The following CAMSAP3 variants were observed in gnomAD, a reference collection of about 807,000 sequenced individuals.
The protein encoded by CAMSAP3 is calmodulin regulated spectrin associated protein family member 3.
In CAMSAP3, 34 loss-of-function variants were observed where a neutral mutation model predicts 112.5. That is an observed-to-expected ratio of 0.30 (90% CI 0.23 to 0.40). The LOEUF is 0.40. CAMSAP3 is among the 10% of genes least tolerant of loss of function. CAMSAP3 has a pLI of 1.00. For synonymous variants in CAMSAP3, 868 were observed against 799.8 expected (o/e 1.09, Z -1.44); for missense variants, 1,602 against 1,770.3 (o/e 0.90, Z 1.71).
chr19:7,608,430 A>G (rs1303096357), intron 5 of CAMSAP3, among the ~76,000 whole-genome samples, 166 bp downstream of exon 5: 2 of 152,002 alleles, frequency 1.3e-5, no homozygotes, highest in African/African-American at 2.4e-5. Context: ...CTCTTCCCCA[A>G]TGAGCTTTGT....
Position 7,607,812 on chromosome 19 carries a change from T to A in CAMSAP3, c.622-314T>A. ...TCCCCCTTGCTGATGGCTGCTCCTC[T>A]CCCCCCAGCACGCAATTGCCTTCTG... On this transcript the variant is annotated intron_variant, in intron 4 of 16. Transcript: ENST00000160298. The surrounding 1 kb of genome is among the most constrained non-coding windows in gnomAD (Gnocchi z 4.9). 7.8e-7 allele frequency: 1 copy of A among 1,285,090 alleles called. No homozygotes were observed. Among genetic ancestry groups the A allele is most frequent in the Non-Finnish European group, 1.1e-6 (1 of 947,770 alleles). 79.6% of individuals were successfully genotyped at this position (1,285,090 alleles called of 1,614,324 possible).
intron 11 of CAMSAP3, among the ~76,000 whole-genome samples, chr19:7,613,984 G>A (rs571632358): frequency 5.9e-5 from 9 of 152,208 alleles, no homozygotes; most frequent in East Asian, 1.9e-4. Flanking sequence ...CAGGGTGGCC[G>A]GGCGCAGTGG....
In CAMSAP3 at chr19:7,612,469, G is replaced by C; in HGVS notation, c.1976G>C (p.Gly659Ala). ...AEAEAEEADS[G>A]PVPGGERPAG... Reference sequence around the variant, plus strand: ...GCAGAGGCGGAGGAGGCCGATTCCGGTCCAGTCCCTGGTGGGGAGCGGCCC... The same window carrying C: ...GCAGAGGCGGAGGAGGCCGATTCCGCTCCAGTCCCTGGTGGGGAGCGGCCC... The change falls in exon 11 of 17, where the codon GGT (glycine) becomes GCT (alanine). Residue 659 changes from glycine (G) to alanine (A), a missense_variant. Around this residue, in one of 6 missense-constraint regions of CAMSAP3, gnomAD observed 1,100 missense variants for 1,135.7 expected, o/e 0.97. Coordinates refer to ENST00000160298, the MANE Select transcript of CAMSAP3 (RefSeq NM_020902.2). 6.4e-7 allele frequency: 1 copy of C among 1,570,598 alleles called. No individual in the cohort carries two copies. The highest frequency in any genetic ancestry group is 8.6e-7 in the Non-Finnish European group (1 of 1,160,638).
intron 1 of CAMSAP3, among the ~76,000 whole-genome samples, chr19:7,602,048 A>C (rs1363517339): frequency 1.3e-5 from 2 of 151,310 alleles, no homozygotes; most frequent in Non-Finnish European, 2.9e-5. Flanking sequence ...TGGGTGACAG[A>C]GCAAGATTGT....
rs771643234 is a variant in CAMSAP3 at position 7,611,592 on chromosome 19, T to A, written c.1193+6T>A. The A allele has an allele frequency of 4.2e-5, 68 of 1,611,224 alleles. No individual in the cohort carries two copies. The highest frequency in any genetic ancestry group is 5.8e-5 in the Non-Finnish European group (68 of 1,179,232). The stretch of plus-strand genomic sequence containing the variant: ...GCCTGGAACCGGCAGCTCAGGTGAG[T>A]AGACCTCACAGGCCAGGGTAGGGGG... On this transcript the variant is annotated splice_donor_region_variant and intron_variant, in intron 10 of 16. Coordinates refer to ENST00000160298, the MANE Select transcript of CAMSAP3 (RefSeq NM_020902.2). This position sits in a 1 kb window ranked among gnomAD's most constrained non-coding sequence, Gnocchi z 6.9.
In CAMSAP3 at chr19:7,610,718, C is replaced by G; in HGVS notation, c.919C>G (p.Leu307Val). 6.2e-7 allele frequency: 1 copy of G among 1,614,040 alleles called. No individual in the cohort carries two copies. The highest frequency in any genetic ancestry group is 8.5e-7 in the Non-Finnish European group (1 of 1,180,010). Reference protein sequence around the residue: ...PPLKVNLVVMLAELFMCFEVL... With the variant: ...PPLKVNLVVMVAELFMCFEVL... ...CCTCCAGGTCAACTTGGTGGTGATGCTGGCCGAGTTGTTCATGTGTTTTGA... is the reference window on the plus strand; with the variant it reads ...CCTCCAGGTCAACTTGGTGGTGATGGTGGCCGAGTTGTTCATGTGTTTTGA... Residue 307 changes from leucine (L) to valine (V), a missense_variant, in exon 7 of 17, where the codon CTG becomes GTG. By Grantham distance (32) the Leu-to-Val change is conservative. Transcript: ENST00000160298. This position sits in a 1 kb window ranked among gnomAD's most constrained non-coding sequence, Gnocchi z 4.9.
At chr19:7,616,287 G>A (rs1210481419) in intron 13 of CAMSAP3, 1 of 488,698 alleles carries the variant, frequency 2.0e-6, no homozygotes, top group Non-Finnish European at 3.7e-6. Flanking sequence ...GGAACCTTTG[G>A]GAGTATGTTT....
intron 1 of CAMSAP3, among the ~76,000 whole-genome samples, chr19:7,604,130 T>C (rs886124823): frequency 2.0e-5 from 3 of 152,056 alleles, no homozygotes; most frequent in Non-Finnish European, 4.4e-5. Context: ...GAGACTCTTA[T>C]CTCCAAAAAA....
chr19:7,608,319 C>A, intron 5 of CAMSAP3, 55 bp downstream of exon 5: 3 of 1,577,410 alleles, frequency 1.9e-6, no homozygotes, highest in Non-Finnish European at 2.6e-6. Flanking sequence ...CATCCTAAGT[C>A]CCAGCCCCTA....
At position 7,605,226 on chromosome 19, in the gene CAMSAP3, A is replaced by G. The variant is rs781313939; in HGVS notation, c.149A>G (p.Glu50Gly). 10 of 1,511,938 alleles carry G rather than the reference A, an allele frequency of 6.6e-6. No homozygotes were observed. In the East Asian group the frequency reaches 2.5e-4, roughly 38 times the overall value. 93.7% of individuals were successfully genotyped at this position (1,511,938 alleles called of 1,614,324 possible). Reference sequence around the variant, plus strand: ...GTGTTTCCCCTCTATGCCCCCACAGAGCACGTGCCCCCGGAGCTGTGGGAG... The same window carrying G: ...GTGTTTCCCCTCTATGCCCCCACAGGGCACGTGCCCCCGGAGCTGTGGGAG... Reference protein sequence around the residue: ...WVLRAAFGGAEHVPPELWEPF... With the variant: ...WVLRAAFGGAGHVPPELWEPF... Residue 50 changes from glutamate (E) to glycine (G), a missense_variant and splice_region_variant, in exon 2 of 17, where the codon GAG becomes GGG. By Grantham distance (98) the Glu-to-Gly change is moderately conservative (BLOSUM62 -2). This residue lies in a region of CAMSAP3 where 147 missense variants were observed against 144.6 expected (regional missense o/e 1.02). Transcript: ENST00000160298.
At chr19:7,600,009 A>T in intron 1 of CAMSAP3, among the ~76,000 whole-genome samples, 1 of 13,482 alleles carries the variant, frequency 7.4e-5, no homozygotes, top group African/African-American at 3.8e-4. Context: ...CCGCCCACTC[A>T]TCCATCCACC....
chr19:7,612,015 C>A lies in CAMSAP3; in HGVS notation c.1522C>A (p.Pro508Thr), dbSNP rs140623215. 5.2e-3 allele frequency: 8,342 copies of A among 1,612,968 alleles called. 34 individuals carry two copies. Among genetic ancestry groups the A allele is most frequent in the Non-Finnish European group, 6.2e-3 (7,354 of 1,179,904 alleles). ...SPYLPEGTSK[P>T]LSDRPTKAPV... ...CTACCTGCCCGAGGGGACCTCCAAA[C>A]CACTGTCCGACAGGCCCACCAAAGC... is the stretch of plus-strand genomic sequence containing the variant. Residue 508 changes from proline to threonine, a missense_variant, in exon 11 of 17, where the codon CCA becomes ACA. Coordinates refer to ENST00000160298, the MANE Select transcript of CAMSAP3 (RefSeq NM_020902.2).
At position 7,617,722 on chromosome 19, in the gene CAMSAP3, C is replaced by T. The variant is rs1205081128; in HGVS notation, c.3445-30C>T. On this transcript the variant is annotated intron_variant, in intron 16 of 16. Transcript: ENST00000160298. This position sits in a 1 kb window ranked among gnomAD's most constrained non-coding sequence, Gnocchi z 7.5. ...GGGTGGGTGGGTGGCCTGACTTGGC[C>T]AGCTGACCATTTCCAGCACTCCTGC... The T allele has an allele frequency of 1.9e-6, 3 of 1,612,336 alleles. No individual in the cohort carries two copies. The highest frequency in any genetic ancestry group is 1.7e-6 in the Non-Finnish European group (2 of 1,178,738).
At position 7,611,456 on chromosome 19, in the gene CAMSAP3, C is replaced by T; in HGVS notation, c.1124-61C>T. ...ACCTTGCAGAGGTTGTCCCCAGATG[C>T]TGGCTGACCCCACTCAGGGTTCCCA... is the stretch of plus-strand genomic sequence containing the variant. On this transcript the variant is annotated intron_variant, in intron 9 of 16. Coordinates refer to ENST00000160298, the MANE Select transcript of CAMSAP3 (RefSeq NM_020902.2). This position sits in a 1 kb window ranked among gnomAD's most constrained non-coding sequence, Gnocchi z 6.9. 6.7e-7 allele frequency: 1 copy of T among 1,494,670 alleles called. No individual in the cohort carries two copies. The highest frequency in any genetic ancestry group is 2.4e-5 in the East Asian group (1 of 42,422). The allele number at this position is 1,494,670 out of a possible 1,614,324, so 92.6% of individuals were successfully genotyped here. A position where few individuals can be genotyped will look rare whatever the true frequency, so the allele number is the denominator to read the frequency against.
Position 7,612,432 on chromosome 19 carries a change from G to A in CAMSAP3, c.1939G>A (p.Gly647Arg). The part of the protein sequence containing the change: ...FLQVQPREAS[G>R]EAEAEAEEAD... ...GCAGGTGCAGCCGCGGGAAGCCTCTGGGGAGGCGGAAGCAGAGGCGGAGGA... is the reference window on the plus strand; with the variant it reads ...GCAGGTGCAGCCGCGGGAAGCCTCTAGGGAGGCGGAAGCAGAGGCGGAGGA... Residue 647 changes from glycine (G) to arginine (R), a missense_variant, in exon 11 of 17, where the codon GGG becomes AGG. Gly to Arg is a moderately radical substitution (Grantham distance 125). Around this residue, in one of 6 missense-constraint regions of CAMSAP3, gnomAD observed 1,100 missense variants for 1,135.7 expected, o/e 0.97. Coordinates refer to ENST00000160298, the MANE Select transcript of CAMSAP3 (RefSeq NM_020902.2). 1.3e-6 allele frequency: 2 copies of A among 1,591,590 alleles called. No individual in the cohort carries two copies. Among genetic ancestry groups the A allele is most frequent in the Non-Finnish European group, 1.7e-6 (2 of 1,171,456 alleles).
At position 7,617,633 on chromosome 19, in the gene CAMSAP3, A is replaced by T; in HGVS notation, c.3416A>T (p.Asn1139Ile). The T allele has an allele frequency of 6.2e-7, 1 of 1,614,176 alleles. No homozygotes were observed. Among genetic ancestry groups the T allele is most frequent in the Non-Finnish European group, 8.5e-7 (1 of 1,180,022 alleles). Residue 1139 changes from asparagine to isoleucine, a missense_variant, in exon 16 of 17, where the codon AAC becomes ATC. Transcript: ENST00000160298. The surrounding 1 kb of genome is among the most constrained non-coding windows in gnomAD (Gnocchi z 7.5). ...LSHCCLAGKVNEPQKNRILEE... is the reference protein window; with the variant it reads ...LSHCCLAGKVIEPQKNRILEE... ...CACTGCTGCCTGGCGGGCAAGGTGA[A>T]CGAACCGCAGAAGAATCGCATTCTG... is the stretch of plus-strand genomic sequence containing the variant.
rs1383195415 is a variant in CAMSAP3, at chr19:7,612,173, C to T, written c.1680C>T (p.Ser560=). ...CTTCGTCCCCAGCAGCCACCAACTC[C>T]GAGGTGAAAATGACCAGCTTTGCAG... ...AVASSPAATN[S]EVKMTSFAER... Residue 560 remains serine (S), a synonymous_variant, in exon 11 of 17, where the codon TCC becomes TCT. Transcript: ENST00000160298. 3 of 1,611,304 alleles carry T rather than the reference C, an allele frequency of 1.9e-6. No individual in the cohort carries two copies. The highest frequency in any genetic ancestry group is 2.5e-6 in the Non-Finnish European group (3 of 1,179,334).
At position 7,610,808 on chromosome 19, in the gene CAMSAP3, G is replaced by A. The variant is rs759911698; in HGVS notation, c.994+15G>A. The A allele has an allele frequency of 2.5e-6, 4 of 1,611,246 alleles. No individual in the cohort carries two copies. The highest frequency in any genetic ancestry group is 3.4e-6 in the Non-Finnish European group (4 of 1,178,682). ...CGATGGTCACGGTGAGGCCCTGGGG[G>A]CCTGGGGGCCGGGTCGGGGGCGGGT... is the stretch of plus-strand genomic sequence containing the variant. On this transcript the variant is annotated intron_variant, in intron 7 of 16. Transcript: ENST00000160298. The surrounding 1 kb of genome is among the most constrained non-coding windows in gnomAD (Gnocchi z 4.9).
At chr19:7,598,626 A>G (rs2029861732) in intron 1 of CAMSAP3, among the ~76,000 whole-genome samples, 1 of 152,150 alleles carries the variant, frequency 6.6e-6, no homozygotes, top group Non-Finnish European at 1.5e-5. Flanking sequence ...CGTCTCTACT[A>G]AAAATCCAAA....
Sources: allele counts gnomAD v4.1 joint callset (sites outside exome capture counted in the v4.1 genomes callset), GRCh38; gene constraint gnomAD v4.1.1; regional missense constraint gnomAD v4.1.1; non-coding constraint Gnocchi (gnomAD v3.1); transcripts MANE v1.5; gene names NCBI Gene and HGNC (gene_info 2026-07-23, HGNC 2026-07-21).